Variants in SLC35E4 observed in about 807,000 individuals in gnomAD.
SLC35E4 encodes the protein solute carrier family 35 member E4.
In SLC35E4, 15 loss-of-function variants were observed where a neutral mutation model predicts 19.3. The ratio of observed to expected loss-of-function variants is 0.78; its 90% CI spans 0.52 to 1.20. SLC35E4 has a LOEUF of 1.20. Ranked by LOEUF, SLC35E4 falls within the 50% of genes most tolerant of loss-of-function variation. The probability of loss-of-function intolerance (pLI) is 0.00; values close to 1 mark genes in which losing one functional copy is unlikely to be tolerated. For missense variants in SLC35E4, 406 were observed against 472.3 expected, an observed-to-expected ratio of 0.86 and a Z score of 1.30; for synonymous variants, 219 against 219.9, an observed-to-expected ratio of 1.00 and a Z score of 0.04.
At chr22:30,668,953 G>A (rs1324972385) in exon 3 of SLC35E4, 1 of 152,082 alleles carries the variant, frequency 6.6e-6, no homozygotes, top group East Asian at 1.9e-4. Flanking sequence ...CCACTGAGTG[G>A]GTGAAGAGTT....
rs892221027 is a variant in SLC35E4 at position 30,637,001 on chromosome 22, C to G, written c.551C>G (p.Thr184Arg). Reference sequence around the variant, plus strand: ...TGCAGCCTGGCTGGAGAGTTCCGGACACCCCCTACCGGCTGTGGCTTCCTG... The same window carrying G: ...TGCAGCCTGGCTGGAGAGTTCCGGAGACCCCCTACCGGCTGTGGCTTCCTG... ...AACSLAGEFR[T>R]PPTGCGFLLA... The change falls in exon 1 of 2, where the codon ACA (threonine) becomes AGA (arginine). Residue 184 changes from threonine (T) to arginine (R), a missense_variant. Transcript: ENST00000343605. 5 of 1,607,812 alleles carry G rather than the reference C, an allele frequency of 3.1e-6. No individual in the cohort carries two copies. The highest frequency in any genetic ancestry group is 4.3e-6 in the Non-Finnish European group (5 of 1,176,104).
At chr22:30,651,399 G>GTATATATATATATA (rs1427700463), downstream of SLC35E4, among the ~76,000 whole-genome samples, 5 of 61,334 alleles carry the variant, frequency 8.2e-5, no homozygotes, top group African/African-American at 4.5e-4. Context: ...GTGTGTGTGT[G>GTATATATATATATA]TATATATATA....
intron 1 of SLC35E4, 119 bp from the exon 2 acceptor site, chr22:30,646,479 A>C (rs1470690994): frequency 1.4e-5 from 17 of 1,210,034 alleles, no homozygotes; most frequent in Non-Finnish European, 2.0e-5. Flanking sequence ...ATCAGGAGCC[A>C]CTAGCCCTGC....
At chr22:30,653,183 G>A (rs1464970872) in intron 2 of SLC35E4, among the ~76,000 whole-genome samples, 1 of 152,168 alleles carries the variant, frequency 6.6e-6, no homozygotes, top group Non-Finnish European at 1.5e-5. Flanking sequence ...GGCAGGTCAA[G>A]GCCTGGGCTC....
At chr22:30,638,016 C>A (rs1416769851) in intron 1 of SLC35E4, among the ~76,000 whole-genome samples, 1 of 152,252 alleles carries the variant, frequency 6.6e-6, no homozygotes, top group Non-Finnish European at 1.5e-5. Context: ...GTTGTCATGG[C>A]AACCACCAAC....
At chr22:30,649,285 TG>T, downstream of SLC35E4, 1 of 716,280 alleles carries the variant, frequency 1.4e-6, no homozygotes, top group Non-Finnish European at 2.6e-6. Context: ...GCTTTTATCT[TG>T]GGGTATTCAC....
intron 2 of SLC35E4, among the ~76,000 whole-genome samples, chr22:30,657,579 T>A (rs2088366117): frequency 6.6e-6 from 1 of 151,890 alleles, no homozygotes; most frequent in Non-Finnish European, 1.5e-5. Context: ...GGAAATATGG[T>A]GAGACGCTGT....
intron 2 of SLC35E4, chr22:30,661,935 ACCTCTAGATT>A (rs144406312): frequency 0.045 from 6,799 of 151,866 alleles, 325 homozygotes; most frequent in East Asian, 0.24. Flanking sequence ...TTGTTTCAGG[ACCTCTAGATT>A]GCACCTAGAT....
At chr22:30,667,041 G>T (rs2088698326), downstream of SLC35E4, 1 of 152,314 alleles carries the variant, frequency 6.6e-6, no homozygotes, top group Middle Eastern at 3.4e-3. Flanking sequence ...CGTTTAGCTT[G>T]AGAGGGAGGA....
At chr22:30,654,413 T>C in intron 2 of SLC35E4, 2 of 453,886 alleles carry the variant, frequency 4.4e-6, no homozygotes, top group Non-Finnish European at 8.8e-6. Flanking sequence ...TAGGCAAACT[T>C]TCTTGTAGGC....
rs974586886 is a variant in SLC35E4, at chr22:30,636,378, C to G, written c.-73C>G. On this transcript the variant is annotated 5_prime_UTR_variant, in exon 1 of 2. Transcript: ENST00000343605. ...GAGGAACCAGGATCTAGCCTGGCCC[C>G]AAGCGGAACTCTCTGGTGGCCCAGA... 8 of 1,433,476 alleles carry G rather than the reference C, an allele frequency of 5.6e-6. No homozygotes were observed. The African/African-American group carries it at 1.1e-4, about 21-fold the overall frequency. 88.8% of individuals were successfully genotyped at this position (1,433,476 alleles called of 1,614,324 possible). A position where few individuals can be genotyped will look rare whatever the true frequency, so the allele number is the denominator to read the frequency against.
rs1453328411 is a variant in SLC35E4, at chr22:30,636,988, G to A, written c.538G>A (p.Gly180Arg). 1 of 1,611,572 alleles carries A rather than the reference G, an allele frequency of 6.2e-7. No individual in the cohort carries two copies. The highest frequency in any genetic ancestry group is 1.1e-5 in the South Asian group (1 of 90,972). ...CCTGGGGGCCGCCTGCAGCCTGGCTGGAGAGTTCCGGACACCCCCTACCGG... is the reference window on the plus strand; with the variant it reads ...CCTGGGGGCCGCCTGCAGCCTGGCTAGAGAGTTCCGGACACCCCCTACCGG... ...LCLGAACSLAGEFRTPPTGCG... is the reference protein window; with the variant it reads ...LCLGAACSLAREFRTPPTGCG... The change falls in exon 1 of 2, where the codon GGA becomes AGA. Residue 180 changes from glycine to arginine, a missense_variant. By Grantham distance (125) the Gly-to-Arg change is moderately radical. Coordinates refer to ENST00000343605, the MANE Select transcript of SLC35E4 (RefSeq NM_001001479.4).
At chr22:30,655,913 G>A (rs572529109) in intron 2 of SLC35E4, among the ~76,000 whole-genome samples, 1 of 151,720 alleles carries the variant, frequency 6.6e-6, no homozygotes, top group South Asian at 2.1e-4. Context: ...ATCCAGAGGT[G>A]GAAAGTAATG....
rs766199643 is a variant in SLC35E4, at chr22:30,636,766, A to C, written c.316A>C (p.Thr106Pro). 1.2e-6 allele frequency: 2 copies of C among 1,611,960 alleles called. No homozygotes were observed. The highest frequency in any genetic ancestry group is 3.3e-5 in the Admixed American group (2 of 59,914). ...RGARRPMPGG[T>P]RCRVLLLSLT... The stretch of plus-strand genomic sequence containing the variant: ...GGCACGGCGCCCCATGCCAGGCGGC[A>C]CTCGCTGCCGAGTCCTACTGCTCAG... Residue 106 changes from threonine to proline, a missense_variant, in exon 1 of 2, where the codon ACT (threonine) becomes CCT (proline). Coordinates refer to ENST00000343605, the MANE Select transcript of SLC35E4 (RefSeq NM_001001479.4).
At position 30,636,940 on chromosome 22, in the gene SLC35E4, T is replaced by A; in HGVS notation, c.490T>A (p.Leu164Met). The A allele has an allele frequency of 2.5e-6, 4 of 1,612,182 alleles. No individual in the cohort carries two copies. The highest frequency in any genetic ancestry group is 2.5e-6 in the Non-Finnish European group (3 of 1,179,346). ...LLGRRHHPLQ[L>M]AAMGPLCLGA... ...GGGCCGCCGCCACCACCCACTTCAGTTGGCCGCCATGGGTCCGCTCTGCCT... is the reference window on the plus strand; with the variant it reads ...GGGCCGCCGCCACCACCCACTTCAGATGGCCGCCATGGGTCCGCTCTGCCT... Residue 164 changes from leucine (L) to methionine (M), a missense_variant, in exon 1 of 2, where the codon TTG (leucine) becomes ATG (methionine). Coordinates refer to ENST00000343605, the MANE Select transcript of SLC35E4 (RefSeq NM_001001479.4).
At chr22:30,663,706 T>C, downstream of SLC35E4, 10 of 1,614,214 alleles carry the variant, frequency 6.2e-6, no homozygotes, top group Non-Finnish European at 8.5e-6. Flanking sequence ...TGCAGCAAAG[T>C]ACGGCCCTGC....
chr22:30,643,024 C>T (rs142760971), intron 1 of SLC35E4, among the ~76,000 whole-genome samples: 10,783 of 146,164 alleles, frequency 0.074, 811 homozygotes, highest in East Asian at 0.23. Context: ...AGTGAGACTC[C>T]GTCTCAAAAA....
At chr22:30,645,210 C>T (rs1288232797) in intron 1 of SLC35E4, among the ~76,000 whole-genome samples, 1 of 152,300 alleles carries the variant, frequency 6.6e-6, no homozygotes, top group Non-Finnish European at 1.5e-5. Flanking sequence ...CCTGCCCTTT[C>T]ATGGTGGCTG....
downstream of SLC35E4, among the ~76,000 whole-genome samples, chr22:30,650,444 CAA>C (rs1490710749): frequency 6.6e-6 from 1 of 152,126 alleles, no homozygotes; most frequent in Non-Finnish European, 1.5e-5. Context: ...TGCTGTGAGC[CAA>C]GATTACGCCA....
Sources: allele counts gnomAD v4.1 joint callset (sites outside exome capture counted in the v4.1 genomes callset), GRCh38; gene constraint gnomAD v4.1.1; transcripts MANE v1.5; gene names NCBI Gene and HGNC (gene_info 2026-07-23, HGNC 2026-07-21).